SFMBT2: variants seen among roughly 807,000 people sequenced by gnomAD.
SFMBT2 encodes scm-like with four MBT domains protein 2.
SFMBT2 carries 38 observed loss-of-function variants against 110.1 expected under a neutral mutation model. The ratio of observed to expected loss-of-function variants is 0.35; its 90% CI spans 0.27 to 0.45. SFMBT2 has a LOEUF of 0.45. SFMBT2 is among the 20% of genes least tolerant of loss of function. The pLI, the probability that SFMBT2 is intolerant of heterozygous loss-of-function variation, is 1.00. For missense variants in SFMBT2, 1,011 were observed against 1,094.9 expected (o/e 0.92, Z 1.08); for synonymous variants, 425 against 425.4 (o/e 1.00, Z 0.01).
At chr10:7,300,665 G>T (rs1267503842) in intron 4 of SFMBT2, among the ~76,000 whole-genome samples, 1 of 152,202 alleles carries the variant, frequency 6.6e-6, no homozygotes, top group Admixed American at 6.5e-5. Flanking sequence ...CTGTGAGGAT[G>T]GAAAAGCATT....
intron 16 of SFMBT2, among the ~76,000 whole-genome samples, chr10:7,179,391 G>GAAAAAAA (rs57497418): frequency 9.2e-4 from 65 of 70,278 alleles, no homozygotes; most frequent in African/African-American, 1.1e-3. Flanking sequence ...TTGCATTTTC[G>GAAAAAAA]AAAAAAAAAA....
At chr10:7,372,612 C>T (rs971252396) in intron 2 of SFMBT2, among the ~76,000 whole-genome samples, 6 of 152,148 alleles carry the variant, frequency 3.9e-5, no homozygotes, top group African/African-American at 1.4e-4. Context: ...ACAGACACAG[C>T]GAAGTGAACT....
chr10:7,220,895 C>T (rs541688629), intron 10 of SFMBT2, among the ~76,000 whole-genome samples: 3 of 149,934 alleles, frequency 2.0e-5, no homozygotes, highest in Non-Finnish European at 3.0e-5. Flanking sequence ...GGCGTGATCT[C>T]GGCTCACTGC....
intron 7 of SFMBT2, among the ~76,000 whole-genome samples, chr10:7,259,664 C>A (rs192312838): frequency 6.6e-6 from 1 of 152,368 alleles, no homozygotes; most frequent in East Asian, 1.9e-4. Context: ...AGTCAGGTAT[C>A]GCTGATGAGA....
rs1840329536 is a variant in SFMBT2 at position 7,238,474 on chromosome 10, T to TCAA, written c.1120+5083_1120+5084insTTG. Among the ~76,000 whole-genome samples the TCAA allele has an allele frequency of 2.0e-5, 3 of 152,208 alleles. No homozygotes were observed. In the South Asian group the frequency reaches 6.2e-4, roughly 31 times the overall value. Reference sequence around the variant, plus strand: ...CTATGTTATTTTCTGCCCCCTTTGGTATGTCTGAAACGTGAGTGACAAAAT... The same window carrying TCAA: ...CTATGTTATTTTCTGCCCCCTTTGGTCAAATGTCTGAAACGTGAGTGACAAAAT... On this transcript the variant is annotated intron_variant, in intron 9 of 20. Transcript: ENST00000397167.
rs374897827 is a variant in SFMBT2, at chr10:7,163,788, G to A, written c.2667C>T (p.Tyr889=). Residue 889 remains tyrosine, a synonymous_variant, in exon 21 of 21, where the codon TAC becomes TAT. Transcript: ENST00000397167. This position sits in a 1 kb window ranked among gnomAD's most constrained non-coding sequence, Gnocchi z 4.8. ...GGCAGACTCAGTTGGCGTACTGGGC[G>A]TAGAAAGCCACTTTGACTCTCTCGA... ...HQIERVKVAF[Y]AQYAN is the part of the protein sequence containing the mutation. The A allele has an allele frequency of 1.2e-5, 20 of 1,614,086 alleles. No homozygotes were observed. Among genetic ancestry groups the A allele is most frequent in the East Asian group, 4.5e-5 (2 of 44,872 alleles).
Position 7,316,344 on chromosome 10 carries a change from G to A in SFMBT2, c.437-30390C>T, listed in dbSNP as rs139193627. On this transcript the variant is annotated intron_variant, in intron 4 of 20. Coordinates refer to ENST00000397167, the MANE Select transcript of SFMBT2 (RefSeq NM_001387889.1). Reference sequence around the variant, plus strand: ...CCAGCTGGGCTAGAAAAGGCAGTGAGCGTACCCCAAAGCCATATGAGCAGG... The same window carrying A: ...CCAGCTGGGCTAGAAAAGGCAGTGAACGTACCCCAAAGCCATATGAGCAGG... Among the ~76,000 whole-genome samples the A allele has an allele frequency of 6.7e-3, 1,023 of 152,272 alleles. 6 individuals are homozygous for A. The highest frequency in any genetic ancestry group is 0.022 in the African/African-American group (930 of 41,560).
chr10:7,334,694 C>T (rs1843663780), intron 4 of SFMBT2, among the ~76,000 whole-genome samples: 1 of 152,270 alleles, frequency 6.6e-6, no homozygotes, highest in East Asian at 1.9e-4. Flanking sequence ...AACCCACTAA[C>T]GCAGACCCGG....
At chr10:7,329,676 G>A in intron 4 of SFMBT2, 2 of 203,478 alleles carry the variant, frequency 9.8e-6, no homozygotes, top group Non-Finnish European at 1.7e-5. Context: ...GCCTTGGCTG[G>A]GAAGGCCGGG....
chr10:7,382,704 G>C (rs944449655), intron 1 of SFMBT2, among the ~76,000 whole-genome samples: 1 of 152,138 alleles, frequency 6.6e-6, no homozygotes, highest in Non-Finnish European at 1.5e-5. Context: ...TCAGGAAGAA[G>C]TCCTCACGTG....
chr10:7,315,073 A>AG (rs1487527320), intron 4 of SFMBT2, among the ~76,000 whole-genome samples: 5 of 144,578 alleles, frequency 3.5e-5, no homozygotes, highest in African/African-American at 1.3e-4. Context: ...AGAAAGAAAG[A>AG]AAGAAAGAAA....
At chr10:7,383,171 C>A (rs952272048) in intron 1 of SFMBT2, among the ~76,000 whole-genome samples, 1 of 152,168 alleles carries the variant, frequency 6.6e-6, no homozygotes, top group East Asian at 1.9e-4. Context: ...GGTAAAATAT[C>A]TTTTAAAAAA....
chr10:7,199,321 T>G (rs1229232837), intron 14 of SFMBT2, among the ~76,000 whole-genome samples: 1 of 152,130 alleles, frequency 6.6e-6, no homozygotes, highest in Non-Finnish European at 1.5e-5. Flanking sequence ...AGGTTTCACT[T>G]TTGGCTAAGG....
chr10:7,368,800 G>A (rs188207464), intron 3 of SFMBT2, among the ~76,000 whole-genome samples: 155 of 152,262 alleles, frequency 1.0e-3, no homozygotes, highest in African/African-American at 3.4e-3. Flanking sequence ...TGGCTTTTGC[G>A]GGACCATAAC....
chr10:7,291,596 G>A (rs1842262504), intron 4 of SFMBT2, among the ~76,000 whole-genome samples: 1 of 152,066 alleles, frequency 6.6e-6, no homozygotes, highest in Admixed American at 6.5e-5. Context: ...AGCTTTCCTG[G>A]AATATCTGGC....
chr10:7,175,787 T>TCATCC (rs1838035620), intron 17 of SFMBT2, among the ~76,000 whole-genome samples: 1 of 152,164 alleles, frequency 6.6e-6, no homozygotes, highest in Non-Finnish European at 1.5e-5. Flanking sequence ...CTGTTTTAAA[T>TCATCC]CATCCCATCC....
At chr10:7,212,758 C>G (rs1017655105) in intron 11 of SFMBT2, among the ~76,000 whole-genome samples, 1 of 152,164 alleles carries the variant, frequency 6.6e-6, no homozygotes. Context: ...TATGTGCCTA[C>G]AGAGGATGGG....
chr10:7,404,401 A>C (rs1213913024), intron 1 of SFMBT2, among the ~76,000 whole-genome samples: 2 of 152,242 alleles, frequency 1.3e-5, no homozygotes, highest in Non-Finnish European at 2.9e-5. Flanking sequence ...CAGGGAAGGC[A>C]TACCTTAATA....
At chr10:7,381,681 C>T in intron 2 of SFMBT2, 118 bp downstream of exon 2, 2 of 1,126,120 alleles carry the variant, frequency 1.8e-6, no homozygotes, top group Non-Finnish European at 2.5e-6. Context: ...CTTCAAATCC[C>T]AGGAACCAGA....
Sources: gnomAD v4.1 joint callset for allele counts (sites outside exome capture counted in the v4.1 genomes callset) on GRCh38, gnomAD v4.1.1 for gene constraint, Gnocchi (gnomAD v3.1) non-coding constraint, MANE v1.5 for transcripts, NCBI Gene and HGNC (gene_info 2026-07-23, HGNC 2026-07-21) for gene names.